CNST: variants seen among roughly 807,000 people sequenced by gnomAD.
CNST encodes consortin.
In CNST, 39 loss-of-function variants were observed where a neutral mutation model predicts 72.4. The observed-to-expected ratio is 0.54, with a 90% confidence interval of 0.42 to 0.70. The LOEUF is 0.70. CNST is among the 30% of genes least tolerant of loss of function. The pLI is 0.00. For synonymous variants in CNST, 332 were observed against 320.1 expected (o/e 1.04, Z -0.40); for missense variants, 871 against 868.5 (o/e 1.00, Z -0.04).
rs200507148 is a variant in CNST, at chr1:246,647,680, T to G, written c.1479T>G (p.Asp493Glu). 4.3e-6 allele frequency: 7 copies of G among 1,614,160 alleles called. No homozygotes were observed. Among genetic ancestry groups the G allele is most frequent in the South Asian group, 1.1e-5 (1 of 91,078 alleles). The change falls in exon 9 of 11, where the codon GAT becomes GAG. Residue 493 changes from aspartate (D) to glutamate (E), a missense_variant. By Grantham distance (45) the Asp-to-Glu change is conservative (BLOSUM62 2). Coordinates refer to ENST00000366513, the MANE Select transcript of CNST (RefSeq NM_152609.3). ...ELQQPDLTDS[D>E]GKSPQAQADS... ...AGCAGCCTGATCTTACAGACAGTGA[T>G]GGAAAATCACCACAGGCGCAGGCTG...
rs186129619 is a variant in CNST, at chr1:246,575,848, T to C, written c.-52+9185T>C. ...AAAAGTAATTAGCATTTTTAAAAAT[T>C]CCCTATTTTTATTTCAATGATAAAA... On this transcript the variant is annotated intron_variant, in intron 1 of 10. Transcript: ENST00000366513. Among the ~76,000 whole-genome samples the C allele has an allele frequency of 2.6e-5, 4 of 152,208 alleles. No homozygotes were observed. The East Asian group carries it at 7.7e-4, about 29-fold the overall frequency.
chr1:246,605,669 C>CGTGTCTTCCGGCCGGGGTAG (rs1160777693), intron 2 of CNST, among the ~76,000 whole-genome samples: 3 of 131,768 alleles, frequency 2.3e-5, no homozygotes, highest in African/African-American at 8.8e-5. Context: ...GGCCGGGGTG[C>CGTGTCTTCCGGCCGGGGTAG]GTGTCTTCCG....
chr1:246,659,463 C>T (rs548242650), intron 9 of CNST, among the ~76,000 whole-genome samples: 64 of 152,204 alleles, frequency 4.2e-4, no homozygotes, highest in Middle Eastern at 3.4e-3. Context: ...AGCATGGTGG[C>T]GGGTGCCTGT....
chr1:246,618,010 AAC>A (rs1055472761), intron 2 of CNST, among the ~76,000 whole-genome samples: 2 of 152,190 alleles, frequency 1.3e-5, no homozygotes, highest in African/African-American at 4.8e-5. Context: ...CTGAAAAGCA[AAC>A]ACACCACTAT....
intron 7 of CNST, 80 bp from the exon 8 acceptor site, chr1:246,641,860 CT>C: frequency 1.5e-6 from 2 of 1,333,236 alleles, no homozygotes; most frequent in Non-Finnish European, 2.1e-6. Context: ...ATGAGGAAAC[CT>C]TTCCCAAGTT....
chr1:246,624,361 C>T (rs1008704788), intron 3 of CNST, among the ~76,000 whole-genome samples: 1 of 152,198 alleles, frequency 6.6e-6, no homozygotes, highest in Non-Finnish European at 1.5e-5. Context: ...GGCCCTACCA[C>T]AAGCTAAGTG....
chr1:246,587,071 G>A (rs1159592609), intron 1 of CNST, among the ~76,000 whole-genome samples: 2 of 152,148 alleles, frequency 1.3e-5, no homozygotes, highest in South Asian at 4.1e-4. Context: ...TACTTTATAG[G>A]ACTTATAAGG....
At position 246,666,500 on chromosome 1, in the gene CNST, C is replaced by G. The variant is rs1434809671; in HGVS notation, c.*595C>G. The G allele has an allele frequency of 6.5e-6, 1 of 152,698 alleles. No individual in the cohort carries two copies. Among genetic ancestry groups the G allele is most frequent in the Non-Finnish European group, 1.5e-5 (1 of 68,072 alleles). The allele number at this position is 152,698 out of a possible 1,614,324, so 9.5% of individuals were successfully genotyped here. On this transcript the variant is annotated 3_prime_UTR_variant, in exon 11 of 11. Coordinates refer to ENST00000366513, the MANE Select transcript of CNST (RefSeq NM_152609.3). ...TAACATAAGCAAATACCCAACATCA[C>G]AAAGATGATCTTTCTTCTTTTAACT...
intron 9 of CNST, 83 bp from the exon 10 acceptor site, chr1:246,660,116 C>A: frequency 8.8e-7 from 1 of 1,137,496 alleles, no homozygotes; most frequent in Non-Finnish European, 1.2e-6. Context: ...ATTCAAATAT[C>A]TGTTGAATGA....
intron 6 of CNST, among the ~76,000 whole-genome samples, chr1:246,634,813 A>G (rs955086291): frequency 2.0e-5 from 3 of 152,236 alleles, no homozygotes; most frequent in Non-Finnish European, 4.4e-5. Context: ...ACCTGGGTGC[A>G]GACGGGCTGA....
intron 3 of CNST, among the ~76,000 whole-genome samples, chr1:246,624,974 C>T (rs1403189538): frequency 3.3e-5 from 5 of 152,164 alleles, no homozygotes; most frequent in African/African-American, 4.8e-5. Context: ...TGCTCTCTCT[C>T]GTGCACACAC....
At chr1:246,599,506 C>T (rs924388102) in intron 2 of CNST, among the ~76,000 whole-genome samples, 9 of 152,222 alleles carry the variant, frequency 5.9e-5, no homozygotes, top group African/African-American at 2.2e-4. Context: ...CAAGTCCTCA[C>T]ATTGCATCAC....
chr1:246,638,436 C>T (rs1234639644), intron 6 of CNST, among the ~76,000 whole-genome samples: 2 of 152,134 alleles, frequency 1.3e-5, no homozygotes, highest in East Asian at 3.9e-4. Flanking sequence ...CCTGAAGGAG[C>T]TTGCTGATGA....
At chr1:246,620,896 G>GAA (rs201640354) in intron 2 of CNST, among the ~76,000 whole-genome samples, 3 of 145,072 alleles carry the variant, frequency 2.1e-5, no homozygotes, top group Admixed American at 6.8e-5. Flanking sequence ...TGGGCTCTGG[G>GAA]CACTACAGGG....
In CNST at chr1:246,621,896, A is replaced by G. The variant is rs149246370; in HGVS notation, c.585+262A>G. On this transcript the variant is annotated intron_variant, in intron 3 of 10. Coordinates refer to ENST00000366513, the MANE Select transcript of CNST (RefSeq NM_152609.3). ...TGTAGTCCCAGCTACTTGGGAGGCCAAGGTGGGACGATCACTCAAGCCTGG... is the reference window on the plus strand; with the variant it reads ...TGTAGTCCCAGCTACTTGGGAGGCCGAGGTGGGACGATCACTCAAGCCTGG... 2.6e-3 allele frequency among the ~76,000 whole-genome samples: 399 copies of G among 152,294 alleles called. 3 individuals carry two copies. The highest frequency in any genetic ancestry group is 9.2e-3 in the African/African-American group (382 of 41,564).
rs775409438 is a variant in CNST at position 246,634,556 on chromosome 1, C to A, written c.787C>A (p.Arg263=). The change falls in exon 6 of 11, where the codon CGG becomes AGG. Residue 263 remains arginine, a synonymous_variant. Transcript: ENST00000366513. ...EKGFNGEDFE[R]LTKICATHQD... ...GGGATTTAATGGTGAAGATTTTGAA[C>A]GGCTTACGAAAATTTGTGCAACACA... 6.2e-7 allele frequency: 1 copy of A among 1,607,374 alleles called. No individual in the cohort carries two copies. Among genetic ancestry groups the A allele is most frequent in the South Asian group, 1.1e-5 (1 of 89,674 alleles).
At chr1:246,659,080 T>C (rs1666924096) in intron 9 of CNST, among the ~76,000 whole-genome samples, 2 of 152,146 alleles carry the variant, frequency 1.3e-5, no homozygotes, top group South Asian at 4.1e-4. Flanking sequence ...TCTGAAGAGA[T>C]ATTAGGCAGC....
chr1:246,634,067 T>C, intron 5 of CNST, 57 bp downstream of exon 5: 1 of 1,078,602 alleles, frequency 9.3e-7, no homozygotes, highest in East Asian at 2.4e-5. Flanking sequence ...AGTCACTATC[T>C]ACAAAATTAA....
In CNST at chr1:246,666,018, A is replaced by G. The variant is rs1301518376; in HGVS notation, c.*113A>G. 2.6e-5 allele frequency: 19 copies of G among 737,648 alleles called. No individual in the cohort carries two copies. In the Admixed American group the frequency reaches 5.0e-4, roughly 19 times the overall value. The allele number at this position is 737,648 out of a possible 1,614,324, so 45.7% of individuals were successfully genotyped here. A position where few individuals can be genotyped will look rare whatever the true frequency, so the allele number is the denominator to read the frequency against. On this transcript the variant is annotated 3_prime_UTR_variant, in exon 11 of 11. Coordinates refer to ENST00000366513, the MANE Select transcript of CNST (RefSeq NM_152609.3). Reference sequence around the variant, plus strand: ...TCCCCCTTCCCTCTGTTAGGAACCAAGGACATCAGAAATAGCAACTTTAAG... The same window carrying G: ...TCCCCCTTCCCTCTGTTAGGAACCAGGGACATCAGAAATAGCAACTTTAAG...
Sources: gnomAD v4.1 joint callset for allele counts (sites outside exome capture counted in the v4.1 genomes callset) on GRCh38, gnomAD v4.1.1 for gene constraint, MANE v1.5 for transcripts, NCBI Gene and HGNC (gene_info 2026-07-23, HGNC 2026-07-21) for gene names.